The following MSRA variants were observed in gnomAD, a reference collection of about 807,000 sequenced individuals.
MSRA encodes the protein mitochondrial peptide methionine sulfoxide reductase.
MSRA carries 54 observed loss-of-function variants against 31.3 expected under a neutral mutation model. The observed-to-expected ratio is 1.73, with a 90% confidence interval of 1.39 to 2.17. MSRA has a LOEUF of 2.17. Ranked by LOEUF, MSRA falls within the 30% of genes most tolerant of loss-of-function variation. MSRA has a pLI of 0.00. For missense variants in MSRA, 507 were observed against 300.9 expected (o/e 1.69, Z -5.07); for synonymous variants, 169 against 116.5 (o/e 1.45, Z -2.90).
At position 10,390,235 on chromosome 8, in the gene MSRA, G is replaced by A. The variant is rs541390836; in HGVS notation, c.544-37913G>A. 2.4e-4 allele frequency among the ~76,000 whole-genome samples: 36 copies of A among 152,308 alleles called. 2 individuals are homozygous for A. In the South Asian group the frequency reaches 5.8e-3, roughly 25 times the overall value. ...TCTGCTCTGAGGGGATGGGGCCTCCGTGGGGCAGGCAGCCCTGAGAGGAGG... is the reference window on the plus strand; with the variant it reads ...TCTGCTCTGAGGGGATGGGGCCTCCATGGGGCAGGCAGCCCTGAGAGGAGG... On this transcript the variant is annotated intron_variant, in intron 5 of 5. Transcript: ENST00000317173.
intron 3 of MSRA, among the ~76,000 whole-genome samples, chr8:10,255,419 T>G (rs1798125145): frequency 6.6e-6 from 1 of 152,212 alleles, no homozygotes. Flanking sequence ...CATCCCGTTC[T>G]CCCAGTGAAA....
At chr8:10,414,497 C>T (rs1232092020) in intron 5 of MSRA, among the ~76,000 whole-genome samples, 6 of 152,190 alleles carry the variant, frequency 3.9e-5, no homozygotes, top group African/African-American at 1.4e-4. Flanking sequence ...TGAGACACCC[C>T]CAGCCCTGGC....
chr8:10,391,051 A>G lies in MSRA; in HGVS notation c.544-37097A>G, dbSNP rs556901230. Among the ~76,000 whole-genome samples, 13 of 152,142 alleles carry G rather than the reference A, an allele frequency of 8.5e-5. 1 individual carries two copies. Among genetic ancestry groups the G allele is most frequent in the African/African-American group, 3.1e-4 (13 of 41,526 alleles). ...GAGAAACCTACCTATTCTCAAATGT[A>G]CTTCACGTTCTGGCACTTCAAAAAA... On this transcript the variant is annotated intron_variant, in intron 5 of 5. Coordinates refer to ENST00000317173, the MANE Select transcript of MSRA (RefSeq NM_012331.5).
At chr8:10,324,194 C>T (rs889659943) in intron 5 of MSRA, among the ~76,000 whole-genome samples, 26 of 152,182 alleles carry the variant, frequency 1.7e-4, no homozygotes, top group South Asian at 8.3e-4. Flanking sequence ...CTCACTGGCT[C>T]AGTTCCTCAG....
rs752722950 is a variant in MSRA at position 10,428,128 on chromosome 8, G to A, written c.544-20G>A. The A allele has an allele frequency of 1.6e-5, 26 of 1,605,022 alleles. 2 individuals are homozygous for A. Among genetic ancestry groups the A allele is most frequent in the South Asian group, 8.9e-5 (8 of 89,548 alleles). On this transcript the variant is annotated intron_variant, in intron 5 of 5. Transcript: ENST00000317173. ...TCTCTCTAGCATGGGAGCTGATGGCGCCTTTCTGTGTCCCCACAGGTTCTT... is the reference window on the plus strand; with the variant it reads ...TCTCTCTAGCATGGGAGCTGATGGCACCTTTCTGTGTCCCCACAGGTTCTT...
At chr8:10,306,434 C>T (rs1373057375) in intron 4 of MSRA, among the ~76,000 whole-genome samples, 1 of 151,794 alleles carries the variant, frequency 6.6e-6, no homozygotes, top group Non-Finnish European at 1.5e-5. Flanking sequence ...TCTGTGTTGC[C>T]CTTGATTCTT....
intron 2 of MSRA, among the ~76,000 whole-genome samples, chr8:10,244,346 G>A (rs1320679231): frequency 1.3e-5 from 2 of 152,194 alleles, no homozygotes; most frequent in African/African-American, 2.4e-5. Context: ...GTGCGTGAGT[G>A]TGTGTGCTCT....
chr8:10,221,975 A>C (rs1353901734), intron 2 of MSRA, among the ~76,000 whole-genome samples: 2 of 152,170 alleles, frequency 1.3e-5, no homozygotes, highest in Non-Finnish European at 2.9e-5. Context: ...CTACGAGATC[A>C]TGAAGGGCAA....
intron 3 of MSRA, among the ~76,000 whole-genome samples, chr8:10,269,170 G>A (rs951055543): frequency 6.6e-6 from 1 of 152,228 alleles, no homozygotes; most frequent in Non-Finnish European, 1.5e-5. Flanking sequence ...CAGATAATGG[G>A]CAAGAGTAGA....
At chr8:10,248,997 C>G (rs1238891630) in intron 3 of MSRA, among the ~76,000 whole-genome samples, 2 of 152,156 alleles carry the variant, frequency 1.3e-5, no homozygotes, top group African/African-American at 4.8e-5. Context: ...AATGCCCTGA[C>G]TGTGTAAAAG....
intron 2 of MSRA, among the ~76,000 whole-genome samples, chr8:10,233,893 G>C (rs932147584): frequency 6.6e-6 from 1 of 152,034 alleles, no homozygotes; most frequent in Non-Finnish European, 1.5e-5. Context: ...ATAAACCCCA[G>C]AATATTAAGA....
At chr8:10,195,710 T>A (rs1807913237) in intron 1 of MSRA, among the ~76,000 whole-genome samples, 1 of 152,212 alleles carries the variant, frequency 6.6e-6, no homozygotes. Flanking sequence ...GATTCCTCTT[T>A]TCTTCTTAAA....
rs1745797861 is a variant in MSRA, at chr8:10,054,382, G to A, written c.-135G>A. On this transcript the variant is annotated 5_prime_UTR_variant, in exon 1 of 6. Transcript: ENST00000317173. ...CGGGCGGCCTCCAGCCCCGCCAGCAGCGCCCCGCGCCCGCCCGCCCGCGCC... is the reference window on the plus strand; with the variant it reads ...CGGGCGGCCTCCAGCCCCGCCAGCAACGCCCCGCGCCCGCCCGCCCGCGCC... The A allele has an allele frequency of 3.6e-6, 3 of 822,214 alleles. No individual in the cohort carries two copies. Among genetic ancestry groups the A allele is most frequent in the Middle Eastern group, 8.6e-4 (2 of 2,330 alleles). The allele number at this position is 822,214 out of a possible 1,614,324, so 50.9% of individuals were successfully genotyped here. A position where few individuals can be genotyped will look rare whatever the true frequency, so the allele number is the denominator to read the frequency against.
At chr8:10,308,522 A>T (rs1801262207) in intron 4 of MSRA, among the ~76,000 whole-genome samples, 1 of 152,134 alleles carries the variant, frequency 6.6e-6, no homozygotes, top group African/African-American at 2.4e-5. Context: ...ACACAAAACC[A>T]GCTGTGGCCC....
chr8:10,247,441 A>G (rs1797680841), intron 3 of MSRA, among the ~76,000 whole-genome samples: 1 of 152,294 alleles, frequency 6.6e-6, no homozygotes. Flanking sequence ...TCTCTTTCAT[A>G]TATGTCCCTC....
chr8:10,245,988 C>T (rs962448596), intron 3 of MSRA, among the ~76,000 whole-genome samples: 7 of 152,200 alleles, frequency 4.6e-5, no homozygotes, highest in African/African-American at 1.7e-4. Context: ...GAAAGCCGTG[C>T]TATAATGCAG....
chr8:10,275,524 T>C (rs1433120204), intron 3 of MSRA, among the ~76,000 whole-genome samples: 1 of 152,228 alleles, frequency 6.6e-6, no homozygotes. Context: ...TTATTGTTCA[T>C]TGGTGAAATA....
intron 3 of MSRA, among the ~76,000 whole-genome samples, chr8:10,246,761 G>A (rs992346827): frequency 1.3e-5 from 2 of 152,158 alleles, no homozygotes; most frequent in African/African-American, 2.4e-5. Context: ...GAGAAGGATT[G>A]AAATATTCTG....
chr8:10,163,916 C>T (rs543518752), intron 1 of MSRA, among the ~76,000 whole-genome samples: 1 of 152,348 alleles, frequency 6.6e-6, no homozygotes, highest in Non-Finnish European at 1.5e-5. Flanking sequence ...GAACATGCTA[C>T]GTGTCATCTA....
Sources: gnomAD v4.1 joint callset for allele counts (sites outside exome capture counted in the v4.1 genomes callset) on GRCh38, gnomAD v4.1.1 for gene constraint, MANE v1.5 for transcripts, NCBI Gene and HGNC (gene_info 2026-07-23, HGNC 2026-07-21) for gene names.